CCAR2: variants seen among roughly 807,000 people sequenced by gnomAD.
The protein encoded by CCAR2 is cell cycle and apoptosis regulator 2.
A neutral mutation model predicts 108.1 loss-of-function variants in CCAR2; 21 were observed. The observed-to-expected ratio is 0.19, with a 90% confidence interval of 0.14 to 0.28. CCAR2 has a LOEUF of 0.28. Among genes scored for constraint, CCAR2 ranks in the 10% least tolerant of loss-of-function variants. The pLI is 1.00. For missense variants in CCAR2, 1,126 were observed against 1,177.0 expected (o/e 0.96, Z 0.63); for synonymous variants, 577 against 472.8 (o/e 1.22, Z -2.86).
At chr8:22,616,890 TTTTTTTGG>T (rs1191219696) in intron 14 of CCAR2, among the ~76,000 whole-genome samples, 11 of 62,510 alleles carry the variant, frequency 1.8e-4, no homozygotes, top group African/African-American at 1.1e-3. Flanking sequence ...TTTTTTTTTT[TTTTTTTGG>T]GGAGATGGAG....
intron 6 of CCAR2, 142 bp downstream of exon 6, chr8:22,607,467 G>GTTTTTTT (rs34256757): frequency 5.0e-6 from 2 of 403,942 alleles, no homozygotes; most frequent in South Asian, 3.3e-5. Context: ...GGTGTTTAGG[G>GTTTTTTT]TTTTTTTTTT....
At chr8:22,613,225 A>G (rs1801362802) in intron 8 of CCAR2, 89 bp downstream of exon 8, 1 of 1,317,446 alleles carries the variant, frequency 7.6e-7, no homozygotes, top group Non-Finnish European at 9.9e-7. Context: ...GTGCACATGT[A>G]TGTTCTTACA....
chr8:22,618,593 G>C, intron 17 of CCAR2, 24 bp from the exon 18 acceptor site: 1 of 1,614,034 alleles, frequency 6.2e-7, no homozygotes, highest in Non-Finnish European at 8.5e-7. Flanking sequence ...GGGGCCTTCT[G>C]ATCAGCAGAT....
At chr8:22,612,842 G>T in intron 7 of CCAR2, 175 bp from the exon 8 acceptor site, 3 of 687,124 alleles carry the variant, frequency 4.4e-6, no homozygotes, top group Non-Finnish European at 6.8e-6. Flanking sequence ...TATTAAAACA[G>T]TAAATATCCA....
intron 8 of CCAR2, among the ~76,000 whole-genome samples, chr8:22,613,394 C>T (rs550226688): frequency 1.2e-3 from 162 of 132,720 alleles, no homozygotes; most frequent in Non-Finnish European, 1.9e-3. Flanking sequence ...ACACAGTATT[C>T]ATTGAATGGA....
rs202154543 is a variant in CCAR2 at position 22,606,086 on chromosome 8, C to T, written c.60C>T (p.Gly20=). 1.2e-6 allele frequency: 2 copies of T among 1,613,526 alleles called. No homozygotes were observed. Among genetic ancestry groups the T allele is most frequent in the Non-Finnish European group, 1.7e-6 (2 of 1,179,422 alleles). Residue 20 remains glycine (G), a splice_region_variant and synonymous_variant, in exon 3 of 21, where the codon GGC becomes GGT. Coordinates refer to ENST00000308511, the MANE Select transcript of CCAR2 (RefSeq NM_001393997.1). ...GAGATTGCTTCTCTTTCCCCATAGGCACAGCTTCAACATCTCTTCTGGGCC... is the reference window on the plus strand; with the variant it reads ...GAGATTGCTTCTCTTTCCCCATAGGTACAGCTTCAACATCTCTTCTGGGCC... The part of the protein sequence containing the change: ...NPLPGGRNFS[G]TASTSLLGPP...
chr8:22,605,577 T>G, intron 1 of CCAR2, 159 bp from the exon 2 acceptor site: 1 of 591,756 alleles, frequency 1.7e-6, no homozygotes, highest in Non-Finnish European at 3.0e-6. Flanking sequence ...CTTGTTTCAT[T>G]TCTTTCTTCT....
Position 22,615,733 on chromosome 8 carries a change from A to C in CCAR2, c.1429A>C (p.Thr477Pro), listed in dbSNP as rs1475463660. 6.2e-7 allele frequency: 1 copy of C among 1,613,752 alleles called. No homozygotes were observed. Among genetic ancestry groups the C allele is most frequent in the South Asian group, 1.1e-5 (1 of 91,084 alleles). ...TGATGCCTTGGAGCAAGCAGCAGAC[A>C]CTTCTAGACGGAACGCAGAAACTCC... is the stretch of plus-strand genomic sequence containing the variant. The part of the protein sequence containing the change: ...APDALEQAAD[T>P]SRRNAETPEA... Residue 477 changes from threonine (T) to proline (P), a missense_variant, in exon 13 of 21, where the codon ACT (threonine) becomes CCT (proline). By Grantham distance (38) the Thr-to-Pro change is conservative. Coordinates refer to ENST00000308511, the MANE Select transcript of CCAR2 (RefSeq NM_001393997.1).
downstream of CCAR2, chr8:22,620,482 G>C (rs1472075843): frequency 1.4e-5 from 2 of 139,744 alleles, no homozygotes; most frequent in Non-Finnish European, 3.0e-5. Flanking sequence ...CTGAGAGTGT[G>C]TCCTCCACAG....
At position 22,605,837 on chromosome 8, in the gene CCAR2, C is replaced by T; in HGVS notation, c.58+6C>T. 6.2e-7 allele frequency: 1 copy of T among 1,613,404 alleles called. No homozygotes were observed. The highest frequency in any genetic ancestry group is 2.2e-5 in the East Asian group (1 of 44,876). On this transcript the variant is annotated splice_donor_region_variant and intron_variant, in intron 2 of 20. Transcript: ENST00000308511. ...AGGGGGACGCAACTTCTCAGGTGATCACTGTTCTCCCTACCTGGCCTCATC... is the reference window on the plus strand; with the variant it reads ...AGGGGGACGCAACTTCTCAGGTGATTACTGTTCTCCCTACCTGGCCTCATC...
chr8:22,606,026 T>C, intron 2 of CCAR2, 59 bp from the exon 3 acceptor site: 5 of 1,488,400 alleles, frequency 3.4e-6, no homozygotes, highest in Non-Finnish European at 3.8e-6. Flanking sequence ...CATCCTTTGG[T>C]TGACTCGTGC....
intron 6 of CCAR2, 96 bp from the exon 7 acceptor site, chr8:22,607,873 G>T: frequency 1.1e-6 from 1 of 945,328 alleles, no homozygotes; most frequent in Non-Finnish European, 1.7e-6. Context: ...TGATCCATCT[G>T]CACTGTCCTC....
At chr8:22,619,051 AT>A in intron 19 of CCAR2, 36 bp downstream of exon 19, 1 of 1,607,674 alleles carries the variant, frequency 6.2e-7, no homozygotes, top group Non-Finnish European at 8.5e-7. Context: ...ATGGGGTCAC[AT>A]GCAGACCAGT....
In CCAR2 at chr8:22,615,017, G is replaced by C; in HGVS notation, c.1205+16G>C. 6.5e-7 allele frequency: 1 copy of C among 1,543,410 alleles called. No individual in the cohort carries two copies. Among genetic ancestry groups the C allele is most frequent in the East Asian group, 2.4e-5 (1 of 41,602 alleles). ...GTACCAAGTGGTGAGTGGGCTTCCTGAGCCTCAGCTGCACCAACGCACCAG... is the reference window on the plus strand; with the variant it reads ...GTACCAAGTGGTGAGTGGGCTTCCTCAGCCTCAGCTGCACCAACGCACCAG... On this transcript the variant is annotated intron_variant, in intron 11 of 20. Coordinates refer to ENST00000308511, the MANE Select transcript of CCAR2 (RefSeq NM_001393997.1).
chr8:22,616,145 A>T lies in CCAR2; in HGVS notation c.1742A>T (p.Glu581Val). 6.2e-7 allele frequency: 1 copy of T among 1,613,962 alleles called. No individual in the cohort carries two copies. The highest frequency in any genetic ancestry group is 1.3e-5 in the African/African-American group (1 of 75,004). Residue 581 changes from glutamate (E) to valine (V), a missense_variant, in exon 14 of 21, where the codon GAA (glutamate) becomes GTA (valine). Coordinates refer to ENST00000308511, the MANE Select transcript of CCAR2 (RefSeq NM_001393997.1). ...CCTGAGAAGGAGGAGGCGGCCAAGG[A>T]AGAAGCCACCAAGGAGGAAGAAGCC... ...PEPEKEEAAKEEATKEEEAIK... is the reference protein window; with the variant it reads ...PEPEKEEAAKVEATKEEEAIK...
At chr8:22,612,027 C>T (rs150302021) in intron 7 of CCAR2, among the ~76,000 whole-genome samples, 7,261 of 151,732 alleles carry the variant, frequency 0.048, 227 homozygotes, top group African/African-American at 0.08. Flanking sequence ...TCACTGCCAC[C>T]TCCGCCTCCC....
chr8:22,612,157 G>GGCTGGTCTTGAACTCCC (rs1261936274), intron 7 of CCAR2, among the ~76,000 whole-genome samples: 3 of 152,156 alleles, frequency 2.0e-5, no homozygotes, highest in African/African-American at 7.2e-5. Context: ...GTGTTGGCCA[G>GGCTGGTCTTGAACTCCC]GCTGGTCTTG....
intron 14 of CCAR2, among the ~76,000 whole-genome samples, chr8:22,617,049 A>C (rs1315882963): frequency 6.6e-6 from 1 of 151,148 alleles, no homozygotes; most frequent in Non-Finnish European, 1.5e-5. Flanking sequence ...ATGCCCAGCT[A>C]ATTTTTGTAG....
intron 3 of CCAR2, among the ~76,000 whole-genome samples, 199 bp from the exon 4 acceptor site, chr8:22,606,408 C>G (rs1449073613): frequency 6.6e-6 from 1 of 152,160 alleles, no homozygotes; most frequent in African/African-American, 2.4e-5. Context: ...CCAGAAGAAG[C>G]TTGTGGGTCA....
Sources: gnomAD v4.1 joint callset for allele counts (sites outside exome capture counted in the v4.1 genomes callset) on GRCh38, gnomAD v4.1.1 for gene constraint, MANE v1.5 for transcripts, NCBI Gene and HGNC (gene_info 2026-07-23, HGNC 2026-07-21) for gene names.